The following BANP variants were observed in gnomAD, a reference collection of about 807,000 sequenced individuals.
BANP encodes protein BANP.
BANP carries 11 observed loss-of-function variants against 68.1 expected under a neutral mutation model. The ratio of observed to expected loss-of-function variants is 0.16; its 90% confidence interval spans 0.10 to 0.27. The LOEUF is 0.27. Ranked by LOEUF, BANP falls within the 10% of genes least tolerant of loss-of-function variation. BANP has a pLI of 1.00. For missense variants in BANP, 504 were observed against 722.7 expected (o/e 0.70, Z 3.47); for synonymous variants, 329 against 303.2 (o/e 1.09, Z -0.88).
intron 11 of BANP, 57 bp from the exon 12 acceptor site, chr16:88,065,210 G>C (rs1208650336): frequency 1.5e-6 from 1 of 679,282 alleles, no homozygotes; most frequent in Non-Finnish European, 2.7e-6. Flanking sequence ...TGAAAGCAAG[G>C]CAGGGTTGGT....
chr16:88,071,649 C>T lies in BANP; in HGVS notation c.1378-420C>T, dbSNP rs1206285221. The T allele has an allele frequency of 4.1e-5, 19 of 466,466 alleles. No individual in the cohort carries two copies. In the Middle Eastern group the frequency reaches 2.9e-3, roughly 71 times the overall value. 28.9% of individuals were successfully genotyped at this position (466,466 alleles called of 1,614,324 possible). A position where few individuals can be genotyped will look rare whatever the true frequency, so the allele number is the denominator to read the frequency against. On this transcript the variant is annotated intron_variant, in intron 12 of 13. Coordinates refer to ENST00000682872, the MANE Select transcript of BANP (RefSeq NM_001386991.1). The surrounding 1 kb of genome is among the most constrained non-coding windows in gnomAD (Gnocchi z 6.5). ...GGGGAGGGTTTGGGTCTCAGCCTCA[C>T]GCTCACGGTCCTGGCTTGGATTTTA...
chr16:88,027,421 G>A, intron 7 of BANP, 62 bp from the exon 8 acceptor site: 1 of 1,595,568 alleles, frequency 6.3e-7, no homozygotes, highest in Non-Finnish European at 8.6e-7. Flanking sequence ...CCTGCAGCCA[G>A]GCAGCTCCTG....
intron 11 of BANP, among the ~76,000 whole-genome samples, chr16:88,059,592 A>G (rs1037487117): frequency 1.3e-5 from 2 of 152,026 alleles, no homozygotes; most frequent in Non-Finnish European, 2.9e-5. Context: ...AATGATGGCC[A>G]TCACCTCGTC....
At chr16:87,962,239 C>CAAGAAAAA (rs2059304535) in intron 1 of BANP, among the ~76,000 whole-genome samples, 1 of 79,788 alleles carries the variant, frequency 1.3e-5, no homozygotes, top group Non-Finnish European at 2.3e-5. Flanking sequence ...GACTTGGTCT[C>CAAGAAAAA]AAAAAAAAAA....
At chr16:87,962,844 A>G (rs568600614) in intron 1 of BANP, among the ~76,000 whole-genome samples, 1 of 152,152 alleles carries the variant, frequency 6.6e-6, no homozygotes, top group Admixed American at 6.5e-5. Flanking sequence ...TGTACGTTCC[A>G]CTTCAGACTG....
intron 12 of BANP, among the ~76,000 whole-genome samples, chr16:88,069,085 G>C (rs990742223): frequency 3.9e-5 from 6 of 152,084 alleles, no homozygotes; most frequent in African/African-American, 9.7e-5. Context: ...GCCCCGTCTC[G>C]TGAAACAGTC....
chr16:87,995,756 G>A lies in BANP; in HGVS notation c.363-8539G>A, dbSNP rs967303061. On this transcript the variant is annotated intron_variant, in intron 4 of 13. Coordinates refer to ENST00000682872, the MANE Select transcript of BANP (RefSeq NM_001386991.1). ...GTAGAAAACAGCCAGATACTGTGGC[G>A]TGAATGGGAGTGGTCGGTGATTGAC... is the stretch of plus-strand genomic sequence containing the variant. 2.0e-5 allele frequency among the ~76,000 whole-genome samples: 3 copies of A among 152,224 alleles called. 1 individual carries two copies. Among genetic ancestry groups the A allele is most frequent in the Non-Finnish European group, 2.9e-5 (2 of 68,042 alleles).
At chr16:87,980,883 A>C in intron 2 of BANP, 153 bp from the exon 3 acceptor site, 1 of 608,832 alleles carries the variant, frequency 1.6e-6, no homozygotes, top group Non-Finnish European at 2.9e-6. Flanking sequence ...TTTCTGCCTG[A>C]CTGAGAATAA....
chr16:87,975,927 G>A (rs1328275880), intron 2 of BANP, among the ~76,000 whole-genome samples: 2 of 149,248 alleles, frequency 1.3e-5, no homozygotes, highest in African/African-American at 4.9e-5. Flanking sequence ...ACCATGTGGT[G>A]TGTGTAATCC....
intron 11 of BANP, among the ~76,000 whole-genome samples, chr16:88,063,555 G>A (rs1426849602): frequency 6.6e-6 from 1 of 152,228 alleles, no homozygotes; most frequent in East Asian, 1.9e-4. Context: ...CGCCTTCTGT[G>A]CACAAGCTCC....
At chr16:88,043,812 C>A (rs1300227551) in intron 11 of BANP, among the ~76,000 whole-genome samples, 1 of 152,000 alleles carries the variant, frequency 6.6e-6, no homozygotes, top group Non-Finnish European at 1.5e-5. Context: ...TAAGGAATTT[C>A]AATTTTCAGT....
chr16:88,008,244 T>G (rs2071864433), intron 6 of BANP, among the ~76,000 whole-genome samples: 3 of 152,324 alleles, frequency 2.0e-5, no homozygotes, highest in African/African-American at 7.2e-5. Context: ...TCTGGGTGGT[T>G]TGCACTTTTT....
intron 2 of BANP, chr16:87,978,486 A>C: frequency 5.1e-6 from 2 of 391,574 alleles, no homozygotes; most frequent in Non-Finnish European, 1.1e-5. Flanking sequence ...CCTTTGACTG[A>C]GGTCCTGAGA....
chr16:88,025,145 C>G (rs72818521), intron 7 of BANP, among the ~76,000 whole-genome samples: 28,078 of 152,162 alleles, frequency 0.18, 3,220 homozygotes, highest in South Asian at 0.28. Context: ...CTTTCTTGCC[C>G]TCCCGGTGGC....
At chr16:88,026,741 A>G (rs1256169049) in intron 7 of BANP, among the ~76,000 whole-genome samples, 4 of 151,966 alleles carry the variant, frequency 2.6e-5, no homozygotes, top group African/African-American at 7.3e-5. Flanking sequence ...ACATACTTCA[A>G]TTCTCCAAAC....
intron 4 of BANP, among the ~76,000 whole-genome samples, chr16:87,992,598 A>G (rs1329308203): frequency 5.9e-5 from 9 of 152,156 alleles, no homozygotes; most frequent in Non-Finnish European, 1.3e-4. Context: ...GTTCGAGACC[A>G]GCCTGGCTAA....
intron 13 of BANP, among the ~76,000 whole-genome samples, chr16:88,074,272 C>T (rs74040299): frequency 0.011 from 1,617 of 152,276 alleles, 28 homozygotes; most frequent in African/African-American, 0.037. Flanking sequence ...CAGGGTCACG[C>T]GCTTGAGCTC....
intron 1 of BANP, among the ~76,000 whole-genome samples, chr16:87,953,849 G>T (rs1004986257): frequency 1.3e-5 from 2 of 152,182 alleles, no homozygotes; most frequent in Non-Finnish European, 2.9e-5. Flanking sequence ...TTCTGTAGCT[G>T]GGTATGTTCA....
In BANP at chr16:88,072,192, G is replaced by A. The variant is rs752044766; in HGVS notation, c.1501G>A (p.Asp501Asn). ...VQYVQLAPVS[D>N]HTAGAQTAEA... Reference sequence around the variant, plus strand: ...GTACGTGCAGCTGGCGCCAGTGAGTGACCACACGGCCGGGGCACAGGTGAG... The same window carrying A: ...GTACGTGCAGCTGGCGCCAGTGAGTAACCACACGGCCGGGGCACAGGTGAG... Residue 501 changes from aspartate to asparagine, a missense_variant, in exon 13 of 14, where the codon GAC becomes AAC. Physicochemically the swap from Asp to Asn is conservative, Grantham distance 23. This residue lies in a region of BANP where 223 missense variants were observed against 246.2 expected (regional missense o/e 0.91). Transcript: ENST00000682872. 2.5e-6 allele frequency: 4 copies of A among 1,610,690 alleles called. No individual in the cohort carries two copies. Among genetic ancestry groups the A allele is most frequent in the Non-Finnish European group, 3.4e-6 (4 of 1,179,570 alleles).
Sources: allele counts gnomAD v4.1 joint callset (sites outside exome capture counted in the v4.1 genomes callset), GRCh38; gene constraint gnomAD v4.1.1; regional missense constraint gnomAD v4.1.1; non-coding constraint Gnocchi (gnomAD v3.1); transcripts MANE v1.5; gene names NCBI Gene and HGNC (gene_info 2026-07-23, HGNC 2026-07-21).